Variants in NKAIN3 observed in about 807,000 individuals in gnomAD.
NKAIN3 encodes sodium/potassium transporting ATPase interacting 3, also known as sodium/potassium-transporting ATPase subunit beta-1-interacting protein 3.
Under a neutral mutation model 30.2 loss-of-function variants are expected in NKAIN3, and 25 were observed. The observed-to-expected ratio is 0.83, with a 90% CI of 0.60 to 1.16. The LOEUF is 1.16. Ranked by LOEUF, NKAIN3 falls within the 50% of genes most tolerant of loss-of-function variation. NKAIN3 has a pLI of 0.00. For synonymous variants in NKAIN3, 91 were observed against 89.6 expected (o/e 1.02, Z -0.09); for missense variants, 225 against 254.1 (o/e 0.89, Z 0.78).
chr8:62,281,649 G>A (rs1813199005), intron 1 of NKAIN3, among the ~76,000 whole-genome samples: 1 of 152,130 alleles, frequency 6.6e-6, no homozygotes, highest in Non-Finnish European at 1.5e-5. Context: ...AGTCATTCAG[G>A]AGCAGGTTGT....
At chr8:62,380,486 C>A (rs774939872) in intron 1 of NKAIN3, among the ~76,000 whole-genome samples, 7 of 152,206 alleles carry the variant, frequency 4.6e-5, no homozygotes, top group Non-Finnish European at 7.3e-5. Context: ...GCATGCCCCA[C>A]TTTCCAGCAC....
Position 62,970,920 on chromosome 8 carries a change from T to G in NKAIN3, c.*5513T>G, listed in dbSNP as rs931382009. On this transcript the variant is annotated 3_prime_UTR_variant, in exon 7 of 7. Transcript: ENST00000623646. ...TGGCAGACAACTTAGTCTATATTAGTTAGGATTAGGTTTACCTACAAGTAA... is the reference window on the plus strand; with the variant it reads ...TGGCAGACAACTTAGTCTATATTAGGTAGGATTAGGTTTACCTACAAGTAA... 6.6e-6 allele frequency among the ~76,000 whole-genome samples: 1 copy of G among 152,234 alleles called. No homozygotes were observed. The highest frequency in any genetic ancestry group is 2.4e-5 in the African/African-American group (1 of 41,454).
chr8:62,593,183 G>A (rs750974708), intron 3 of NKAIN3, among the ~76,000 whole-genome samples: 8 of 151,706 alleles, frequency 5.3e-5, no homozygotes, highest in Admixed American at 1.3e-4. Flanking sequence ...TGGCATTCTG[G>A]GCCATAAGCA....
chr8:62,277,881 C>G (rs1813018723), intron 1 of NKAIN3, among the ~76,000 whole-genome samples: 1 of 152,140 alleles, frequency 6.6e-6, no homozygotes, highest in Non-Finnish European at 1.5e-5. Flanking sequence ...AGGCACTGCA[C>G]AACAGGTAAT....
rs116456428 is a variant in NKAIN3, at chr8:62,875,649, A to G, written c.472-42804A>G. On this transcript the variant is annotated intron_variant, in intron 4 of 6. Coordinates refer to ENST00000623646, the MANE Select transcript of NKAIN3 (RefSeq NM_001304533.3). ...GACATATAGGCCAACGGAGCAGAACAGAGACCTCAGAAATAACAACACAAA... is the reference window on the plus strand; with the variant it reads ...GACATATAGGCCAACGGAGCAGAACGGAGACCTCAGAAATAACAACACAAA... Among the ~76,000 whole-genome samples the G allele has an allele frequency of 5.8e-3, 890 of 152,268 alleles. 6 individuals carry two copies. The highest frequency in any genetic ancestry group is 0.02 in the African/African-American group (844 of 41,546).
intron 5 of NKAIN3, among the ~76,000 whole-genome samples, chr8:62,939,113 G>A (rs1308854046): frequency 6.6e-6 from 1 of 151,870 alleles, no homozygotes; most frequent in Non-Finnish European, 1.5e-5. Flanking sequence ...AAATACACTG[G>A]GAAATCTCAG....
chr8:62,991,170 G>A (rs1824312742), intron 5 of NKAIN3: 1 of 152,272 alleles, frequency 6.6e-6, no homozygotes, highest in African/African-American at 2.4e-5. Flanking sequence ...AGAGAGGCTT[G>A]AGACTGGACA....
chr8:62,442,606 AT>A (rs1435269746), intron 1 of NKAIN3, among the ~76,000 whole-genome samples: 2 of 151,042 alleles, frequency 1.3e-5, no homozygotes, highest in African/African-American at 2.4e-5. Flanking sequence ...GCTGCCTTTA[AT>A]TTTTTTATTT....
At chr8:62,372,473 A>C (rs1816941536) in intron 1 of NKAIN3, among the ~76,000 whole-genome samples, 1 of 152,008 alleles carries the variant, frequency 6.6e-6, no homozygotes, top group African/African-American at 2.4e-5. Context: ...GAATGAGAAG[A>C]AAACTGTCAG....
intron 1 of NKAIN3, among the ~76,000 whole-genome samples, chr8:62,499,294 T>C (rs903275047): frequency 2.6e-5 from 4 of 152,134 alleles, no homozygotes; most frequent in African/African-American, 7.2e-5. Flanking sequence ...CTTTCTAGGA[T>C]GGAATGCCGT....
At chr8:62,539,124 C>G (rs1339509594) in intron 1 of NKAIN3, among the ~76,000 whole-genome samples, 1 of 152,196 alleles carries the variant, frequency 6.6e-6, no homozygotes, top group Non-Finnish European at 1.5e-5. Flanking sequence ...GTGTCTGTGT[C>G]CTGAAACGTG....
chr8:62,424,642 C>CA (rs1307088994), intron 1 of NKAIN3, among the ~76,000 whole-genome samples: 5 of 151,630 alleles, frequency 3.3e-5, no homozygotes, highest in Non-Finnish European at 5.9e-5. Flanking sequence ...TCAAAAATCC[C>CA]AAAAACATAA....
intron 3 of NKAIN3, among the ~76,000 whole-genome samples, chr8:62,608,432 T>TA (rs1450889436): frequency 6.6e-6 from 1 of 152,144 alleles, no homozygotes; most frequent in African/African-American, 2.4e-5. Context: ...ATCAATAAAA[T>TA]AAAAATGTAC....
intron 4 of NKAIN3, among the ~76,000 whole-genome samples, chr8:62,887,283 T>C (rs1821174797): frequency 6.6e-6 from 1 of 152,180 alleles, no homozygotes; most frequent in Non-Finnish European, 1.5e-5. Context: ...TTATCTTTGA[T>C]TTTCTGATTT....
intron 5 of NKAIN3, among the ~76,000 whole-genome samples, chr8:62,949,679 G>A (rs892585315): frequency 1.3e-5 from 2 of 151,992 alleles, no homozygotes; most frequent in Non-Finnish European, 2.9e-5. Flanking sequence ...CCCACTGTGT[G>A]GCTGGCTTTT....
intron 1 of NKAIN3, among the ~76,000 whole-genome samples, chr8:62,474,448 TC>T (rs1361341000): frequency 5.9e-5 from 9 of 152,118 alleles, no homozygotes; most frequent in African/African-American, 2.2e-4. Context: ...GCCTACTAAT[TC>T]CCTCTCATAG....
intron 3 of NKAIN3, among the ~76,000 whole-genome samples, chr8:62,636,344 AAG>A (rs1812127443): frequency 6.6e-6 from 1 of 152,190 alleles, no homozygotes; most frequent in Admixed American, 6.5e-5. Flanking sequence ...GTAGCCTGTG[AAG>A]ACTTACATAC....
At chr8:62,549,180 G>A (rs2129927358) in intron 1 of NKAIN3, among the ~76,000 whole-genome samples, 1 of 152,270 alleles carries the variant, frequency 6.6e-6, no homozygotes, top group Middle Eastern at 3.4e-3. Flanking sequence ...GGGTCCTTAA[G>A]AAAGAGCTTT....
At chr8:62,766,936 G>C (rs920195280) in intron 4 of NKAIN3, among the ~76,000 whole-genome samples, 1 of 142,364 alleles carries the variant, frequency 7.0e-6, no homozygotes, top group Non-Finnish European at 1.5e-5. Context: ...GAGCATCACA[G>C]TAGCCAGTAT....
Sources: gnomAD v4.1 joint callset for allele counts (sites outside exome capture counted in the v4.1 genomes callset) on GRCh38, gnomAD v4.1.1 for gene constraint, MANE v1.5 for transcripts, NCBI Gene and HGNC (gene_info 2026-07-23, HGNC 2026-07-21) for gene names.